Variants in THEMIS observed in about 807,000 individuals in gnomAD.
The protein encoded by THEMIS is thymocyte selection associated.
A neutral mutation model predicts 52.6 loss-of-function variants in THEMIS; 37 were observed. The observed-to-expected ratio is 0.70, with a 90% CI of 0.54 to 0.93. The LOEUF is 0.93. Among genes scored for constraint, THEMIS ranks in the 40% least tolerant of loss-of-function variants. The probability of loss-of-function intolerance (pLI) is 0.00; values close to 1 mark genes in which losing one functional copy is unlikely to be tolerated. For missense variants in THEMIS, 808 were observed against 763.1 expected (o/e 1.06, Z -0.69); for synonymous variants, 292 against 272.7 (o/e 1.07, Z -0.70).
chr6:127,832,746 A>G (rs960876988), intron 2 of THEMIS, among the ~76,000 whole-genome samples: 10 of 142,528 alleles, frequency 7.0e-5, no homozygotes, highest in African/African-American at 1.0e-4. Flanking sequence ...ACATGAAAAT[A>G]GATGTCTATT....
upstream of THEMIS, among the ~76,000 whole-genome samples, chr6:127,905,196 C>G (rs1243121006): frequency 1.3e-5 from 2 of 151,980 alleles, no homozygotes; most frequent in African/African-American, 4.8e-5. Flanking sequence ...CACTAAGGAA[C>G]ATCATACTAA....
intron 1 of THEMIS, among the ~76,000 whole-genome samples, chr6:127,859,021 A>T (rs989081320): frequency 1.3e-5 from 2 of 152,144 alleles, no homozygotes; most frequent in Non-Finnish European, 2.9e-5. Flanking sequence ...CAATGCTGTG[A>T]TCACATCAGA....
chr6:127,836,097 A>G (rs1453038258), intron 2 of THEMIS, among the ~76,000 whole-genome samples: 1 of 152,152 alleles, frequency 6.6e-6, no homozygotes, highest in African/African-American at 2.4e-5. Context: ...TGTTTTATTC[A>G]TGACTCTGAA....
At chr6:127,826,356 A>T (rs1778505983) in intron 3 of THEMIS, among the ~76,000 whole-genome samples, 1 of 152,172 alleles carries the variant, frequency 6.6e-6, no homozygotes. Context: ...CTAAAGACCA[A>T]AGTGTTATTT....
At chr6:127,823,828 AG>A (rs1778417054) in intron 3 of THEMIS, among the ~76,000 whole-genome samples, 1 of 152,236 alleles carries the variant, frequency 6.6e-6, no homozygotes, top group African/African-American at 2.4e-5. Context: ...CACAGGGGTA[AG>A]AAGTCAAAAA....
At chr6:127,769,032 A>G (rs1776289418) in intron 4 of THEMIS, among the ~76,000 whole-genome samples, 1 of 152,176 alleles carries the variant, frequency 6.6e-6, no homozygotes, top group Admixed American at 6.5e-5. Flanking sequence ...TTCATTTCGT[A>G]TTTACTTTGT....
intron 4 of THEMIS, among the ~76,000 whole-genome samples, chr6:127,803,495 T>C (rs1777603789): frequency 6.6e-6 from 1 of 152,148 alleles, no homozygotes; most frequent in South Asian, 2.1e-4. Flanking sequence ...CTGTTATACA[T>C]CCCTATCTAC....
rs1163477503 is a variant in THEMIS at position 127,813,747 on chromosome 6, T to G, written c.894A>C (p.Gln298His). 6.2e-7 allele frequency: 1 copy of G among 1,613,926 alleles called. No individual in the cohort carries two copies. The highest frequency in any genetic ancestry group is 2.2e-5 in the East Asian group (1 of 44,862). ...IEAPEGNHLPQSILQPGKTIV... is the reference protein window; with the variant it reads ...IEAPEGNHLPHSILQPGKTIV... ...TGGTTTTCCCAGGCTGTAAAATGCT[T>G]TGGGGCAGGTGGTTTCCTTCAGGTG... is the stretch of plus-strand genomic sequence containing the variant. The change falls in exon 4 of 6, where the codon CAA becomes CAC. Residue 298 changes from glutamine to histidine, a missense_variant. Gln to His is a conservative substitution (Grantham distance 24). Transcript: ENST00000368248.
intron 4 of THEMIS, among the ~76,000 whole-genome samples, chr6:127,769,499 C>T (rs1036142937): frequency 5.3e-5 from 8 of 152,036 alleles, no homozygotes; most frequent in East Asian, 1.9e-4. Context: ...CGAAGCAACA[C>T]GCTGAAAGTC....
At chr6:127,855,237 A>G in intron 1 of THEMIS, 49 bp from the exon 2 acceptor site, 4 of 1,468,236 alleles carry the variant, frequency 2.7e-6, no homozygotes, top group Non-Finnish European at 3.7e-6. Context: ...AAAACAGTGA[A>G]AAACAAAGTA....
At chr6:127,799,595 C>G (rs1049221625) in intron 4 of THEMIS, among the ~76,000 whole-genome samples, 32 of 140,986 alleles carry the variant, frequency 2.3e-4, no homozygotes, top group Non-Finnish European at 4.7e-5. Flanking sequence ...TTTTTTCTTT[C>G]TTTCCTTCTT....
intron 4 of THEMIS, among the ~76,000 whole-genome samples, chr6:127,812,230 A>G (rs1043605827): frequency 6.6e-6 from 1 of 152,116 alleles, no homozygotes; most frequent in African/African-American, 2.4e-5. Flanking sequence ...AAGCTGAATC[A>G]CCCTCCAAAA....
intron 3 of THEMIS, among the ~76,000 whole-genome samples, chr6:127,815,588 T>C (rs528847638): frequency 8.3e-4 from 127 of 152,252 alleles, no homozygotes; most frequent in Non-Finnish European, 1.5e-3. Flanking sequence ...TTTTAATTTT[T>C]AGAAAAAAAA....
chr6:127,697,692 T>G, the THEMIS span, among the ~76,000 whole-genome samples: 1 of 152,168 alleles, frequency 6.6e-6, no homozygotes. Flanking sequence ...AATGCCTTGG[T>G]ATTCTCTCTC....
At chr6:127,741,985 A>T (rs1775218470) in intron 4 of THEMIS, among the ~76,000 whole-genome samples, 1 of 152,126 alleles carries the variant, frequency 6.6e-6, no homozygotes, top group South Asian at 2.1e-4. Context: ...CCATTGTGGA[A>T]AACAGTATGA....
chr6:127,860,001 T>A (rs2114326383), intron 1 of THEMIS, among the ~76,000 whole-genome samples: 1 of 152,266 alleles, frequency 6.6e-6, no homozygotes, highest in African/African-American at 2.4e-5. Flanking sequence ...AACTATTTTA[T>A]TGGCAATTGT....
upstream of THEMIS, among the ~76,000 whole-genome samples, chr6:127,902,108 T>C (rs1781149996): frequency 6.6e-6 from 1 of 151,864 alleles, no homozygotes; most frequent in Admixed American, 6.6e-5. Flanking sequence ...GAGAATTGCT[T>C]GAGCCCAAGA....
chr6:127,904,090 A>G (rs1033838541), upstream of THEMIS, among the ~76,000 whole-genome samples: 1 of 152,072 alleles, frequency 6.6e-6, no homozygotes, highest in African/African-American at 2.4e-5. Flanking sequence ...GTGGCTCAGG[A>G]GGAGAGAACC....
chr6:127,880,959 G>A lies in THEMIS; in HGVS notation c.91+19883C>T, dbSNP rs372575893. Reference sequence around the variant, plus strand: ...TTAAAATCTTAGTTTTAAAAGACGCGATGATTCCAAGTATTTATTGAGTGT... The same window carrying A: ...TTAAAATCTTAGTTTTAAAAGACGCAATGATTCCAAGTATTTATTGAGTGT... On this transcript the variant is annotated intron_variant, in intron 1 of 5. Transcript: ENST00000368248. Among the ~76,000 whole-genome samples the A allele has an allele frequency of 5.3e-5, 8 of 152,120 alleles. No individual in the cohort carries two copies. In the East Asian group the frequency reaches 1.2e-3, roughly 22 times the overall value.
Sources: gnomAD v4.1 joint callset for allele counts (sites outside exome capture counted in the v4.1 genomes callset) on GRCh38, gnomAD v4.1.1 for gene constraint, MANE v1.5 for transcripts, NCBI Gene and HGNC (gene_info 2026-07-23, HGNC 2026-07-21) for gene names.